The following LARGE1 variants were observed in gnomAD, a reference collection of about 807,000 sequenced individuals.
The protein encoded by LARGE1 is xylosyl- and glucuronyltransferase LARGE1.
Under a neutral mutation model 87.6 loss-of-function variants are expected in LARGE1, and 43 were observed. That is an observed-to-expected ratio of 0.49 (90% confidence interval 0.38 to 0.63). The LOEUF is 0.63. Among genes scored for constraint, LARGE1 ranks in the 30% least tolerant of loss-of-function variants. LARGE1 has a pLI of 0.00. For missense variants in LARGE1, 802 were observed against 1,000.2 expected, an observed-to-expected ratio of 0.80 and a Z score of 2.67; for synonymous variants, 434 against 394.6, an observed-to-expected ratio of 1.10 and a Z score of -1.18.
chr22:33,779,918 A>G (rs983390332), intron 1 of LARGE1, among the ~76,000 whole-genome samples: 3 of 152,288 alleles, frequency 2.0e-5, no homozygotes, highest in Admixed American at 6.5e-5. Flanking sequence ...TCAGTTTGCC[A>G]GGGCTGCTAT....
intron 12 of LARGE1, among the ~76,000 whole-genome samples, chr22:33,298,661 T>C (rs1602298259): frequency 6.6e-6 from 1 of 151,956 alleles, no homozygotes; most frequent in African/African-American, 2.4e-5. Context: ...ATGTTTATTT[T>C]TCTAAAAGGA....
chr22:33,828,986 G>A (rs550980631), intron 1 of LARGE1, among the ~76,000 whole-genome samples: 1 of 147,494 alleles, frequency 6.8e-6, no homozygotes, highest in Non-Finnish European at 1.5e-5. Context: ...TCTCAGAGAT[G>A]CTTTGTGAAG....
chr22:33,860,985 CCTGGGCA>C (rs2063903048), intron 1 of LARGE1, among the ~76,000 whole-genome samples: 1 of 152,162 alleles, frequency 6.6e-6, no homozygotes, highest in African/African-American at 2.4e-5. Context: ...AGCCTGCACT[CCTGGGCA>C]CTGTCGCTAG....
At position 33,897,290 on chromosome 22, in the gene LARGE1, T is replaced by A. The variant is rs550519962; in HGVS notation, c.-83+22705A>T. Among the ~76,000 whole-genome samples the A allele has an allele frequency of 4.6e-5, 7 of 152,268 alleles. No homozygotes were observed. The East Asian group carries it at 1.2e-3, about 25-fold the overall frequency. On this transcript the variant is annotated intron_variant, in intron 1 of 14. Coordinates refer to ENST00000397394, the MANE Select transcript of LARGE1 (RefSeq NM_133642.5). Reference sequence around the variant, plus strand: ...CCCATTCTTTTGCAAAAACCCCACATACCTACTCCTCCGCTTTTATTTTTG... The same window carrying A: ...CCCATTCTTTTGCAAAAACCCCACAAACCTACTCCTCCGCTTTTATTTTTG...
intron 1 of LARGE1, among the ~76,000 whole-genome samples, chr22:33,775,117 A>C (rs1391039039): frequency 6.6e-6 from 1 of 152,170 alleles, no homozygotes; most frequent in Non-Finnish European, 1.5e-5. Context: ...GCCTTAATTC[A>C]CTCAACTTTT....
chr22:33,722,088 C>A (rs558097875), intron 2 of LARGE1, among the ~76,000 whole-genome samples: 3 of 152,162 alleles, frequency 2.0e-5, no homozygotes, highest in South Asian at 4.2e-4. Context: ...CCCGTCTCTA[C>A]TAAAAATACA....
rs550756293 is a variant in LARGE1, at chr22:33,459,174, G to A, written c.788-26909C>T. On this transcript the variant is annotated intron_variant, in intron 6 of 14. Transcript: ENST00000397394. ...TGGTGTGTGTTATTCCCCTCTCTGT[G>A]TCTATGTGTTCTCAATGTCAAGATA... 2.8e-4 allele frequency among the ~76,000 whole-genome samples: 42 copies of A among 152,130 alleles called. 1 individual carries two copies. The Middle Eastern group carries it at 0.01, about 37-fold the overall frequency.
chr22:33,368,297 G>A (rs1000980605), intron 9 of LARGE1, among the ~76,000 whole-genome samples: 5 of 152,090 alleles, frequency 3.3e-5, no homozygotes, highest in East Asian at 1.9e-4. Context: ...TTGGGAGGCC[G>A]AGGTGGGAGG....
chr22:33,192,283 T>C (rs1163438582), intron 11 of LARGE1, among the ~76,000 whole-genome samples: 1 of 152,226 alleles, frequency 6.6e-6, no homozygotes, highest in East Asian at 1.9e-4. Flanking sequence ...ATCTCACTTG[T>C]GTGTTAACTC....
chr22:33,263,572 A>C (rs973312003), intron 11 of LARGE1, among the ~76,000 whole-genome samples: 4 of 152,212 alleles, frequency 2.6e-5, no homozygotes, highest in African/African-American at 7.2e-5. Flanking sequence ...ACAACCAATG[A>C]ATTTGGAAAA....
chr22:33,739,079 A>G (rs557576203), intron 2 of LARGE1, among the ~76,000 whole-genome samples: 57 of 152,060 alleles, frequency 3.7e-4, no homozygotes, highest in African/African-American at 1.1e-3. Context: ...CTCAGGCCTT[A>G]GTTTCCTTAT....
chr22:33,210,506 G>T (rs944774190), intron 11 of LARGE1, among the ~76,000 whole-genome samples: 1 of 152,212 alleles, frequency 6.6e-6, no homozygotes, highest in African/African-American at 2.4e-5. Flanking sequence ...ATTCTTGGAG[G>T]CCTCAGAGGG....
intron 1 of LARGE1, among the ~76,000 whole-genome samples, chr22:33,877,413 C>G (rs2064500973): frequency 6.6e-6 from 1 of 152,128 alleles, no homozygotes. Flanking sequence ...TTGTAAGAAA[C>G]TAGCACAGCA....
At chr22:33,348,280 ACC>A (rs11327050) in intron 9 of LARGE1, among the ~76,000 whole-genome samples, 10 of 100,862 alleles carry the variant, frequency 9.9e-5, no homozygotes, top group Admixed American at 2.2e-4. Context: ...TCCCCCACCC[ACC>A]CCCCCCCAAA....
At chr22:33,615,194 T>C (rs958282361) in intron 4 of LARGE1, among the ~76,000 whole-genome samples, 36 of 152,206 alleles carry the variant, frequency 2.4e-4, no homozygotes, top group African/African-American at 8.7e-4. Context: ...ATCTTATACC[T>C]AGATTTTTTT....
At chr22:33,620,618 C>T (rs1157768263) in intron 4 of LARGE1, among the ~76,000 whole-genome samples, 1 of 152,106 alleles carries the variant, frequency 6.6e-6, no homozygotes, top group Non-Finnish European at 1.5e-5. Context: ...ATATGTAACA[C>T]TGAAAACAAA....
intron 5 of LARGE1, among the ~76,000 whole-genome samples, chr22:33,594,603 A>G (rs1363266351): frequency 6.6e-6 from 1 of 151,996 alleles, no homozygotes; most frequent in Non-Finnish European, 1.5e-5. Flanking sequence ...TGAATCAATG[A>G]AGTTTTTTGT....
chr22:33,411,497 T>G (rs2066303401), intron 7 of LARGE1, among the ~76,000 whole-genome samples: 1 of 152,328 alleles, frequency 6.6e-6, no homozygotes, highest in Admixed American at 6.5e-5. Flanking sequence ...TACATAAACA[T>G]GCACACATCT....
At chr22:33,184,379 AT>A (rs1458506459) in intron 11 of LARGE1, among the ~76,000 whole-genome samples, 1 of 151,276 alleles carries the variant, frequency 6.6e-6, no homozygotes, top group African/African-American at 2.4e-5. Context: ...AGAATAAAAA[AT>A]ATTATAAATT....
Sources: gnomAD v4.1 joint callset for allele counts (sites outside exome capture counted in the v4.1 genomes callset) on GRCh38, gnomAD v4.1.1 for gene constraint, MANE v1.5 for transcripts, NCBI Gene and HGNC (gene_info 2026-07-23, HGNC 2026-07-21) for gene names.